Variants in NPNT observed in about 807,000 individuals in gnomAD.
The protein encoded by NPNT is nephronectin.
In NPNT, 45 loss-of-function variants were observed where a neutral mutation model predicts 68.6. The observed-to-expected ratio is 0.66, with a 90% confidence interval of 0.52 to 0.84. The LOEUF (loss-of-function observed/expected upper bound fraction) is 0.84, where lower values mean the gene tolerates loss of function less well. Ranked by LOEUF, NPNT falls within the 40% of genes least tolerant of loss-of-function variation. NPNT has a pLI of 0.00. For synonymous variants in NPNT, 233 were observed against 253.3 expected, an observed-to-expected ratio of 0.92 and a Z score of 0.76; for missense variants, 672 against 714.8, an observed-to-expected ratio of 0.94 and a Z score of 0.68.
chr4:105,959,257 C>A, intron 10 of NPNT, 131 bp downstream of exon 10: 1 of 599,856 alleles, frequency 1.7e-6, no homozygotes, highest in Non-Finnish European at 3.0e-6. Context: ...CAAAAAGGAC[C>A]ATGCCTAGCA....
chr4:105,923,275 T>A (rs1388253470), intron 2 of NPNT, among the ~76,000 whole-genome samples: 1 of 152,156 alleles, frequency 6.6e-6, no homozygotes, highest in Non-Finnish European at 1.5e-5. Flanking sequence ...TTGAAATGGT[T>A]ATGCACTTTC....
At chr4:105,927,188 T>C in intron 2 of NPNT, 148 bp from the exon 3 acceptor site, 1 of 560,176 alleles carries the variant, frequency 1.8e-6, no homozygotes, top group South Asian at 2.3e-5. Context: ...TACAGAGTGT[T>C]TATAGGAAAC....
intron 11 of NPNT, 108 bp from the exon 12 acceptor site, chr4:105,968,787 A>G: frequency 1.6e-6 from 1 of 622,050 alleles, no homozygotes; most frequent in Non-Finnish European, 2.9e-6. Context: ...CTCCTGCAAA[A>G]TAAGTTTAAA....
chr4:105,942,168 G>A lies in NPNT; in HGVS notation c.764-139G>A, dbSNP rs531470634. 5.5e-6 allele frequency: 3 copies of A among 550,010 alleles called. No homozygotes were observed. The South Asian group carries it at 8.6e-5, about 16-fold the overall frequency. The allele number at this position is 550,010 out of a possible 1,614,324, so 34.1% of individuals were successfully genotyped here. On this transcript the variant is annotated intron_variant, in intron 7 of 11. Coordinates refer to ENST00000379987, the MANE Select transcript of NPNT (RefSeq NM_001033047.3). ...ATATATATTTGTTATTTGGAAAATA[G>A]TATGACTTACAGTAGGTAATATTCT... is the stretch of plus-strand genomic sequence containing the variant.
intron 3 of NPNT, among the ~76,000 whole-genome samples, chr4:105,931,838 T>G (rs996720681): frequency 1.3e-4 from 19 of 150,632 alleles, no homozygotes; most frequent in African/African-American, 4.1e-4. Flanking sequence ...AGACTCCATC[T>G]AAAAAAAAAG....
intron 8 of NPNT, among the ~76,000 whole-genome samples, chr4:105,952,910 TAGAAG>T (rs1460011224): frequency 2.6e-5 from 4 of 152,122 alleles, no homozygotes; most frequent in Non-Finnish European, 4.4e-5. Flanking sequence ...ACCATTGGCT[TAGAAG>T]AGAGGAGAAG....
chr4:105,909,898 G>A (rs1474255539), intron 2 of NPNT, among the ~76,000 whole-genome samples: 1 of 152,116 alleles, frequency 6.6e-6, no homozygotes, highest in Non-Finnish European at 1.5e-5. Context: ...CTTGCTTAAG[G>A]GGCTGTATGC....
At chr4:105,919,202 G>GT (rs1728046771) in intron 2 of NPNT, among the ~76,000 whole-genome samples, 2 of 152,052 alleles carry the variant, frequency 1.3e-5, no homozygotes, top group Non-Finnish European at 2.9e-5. Context: ...AATAGGAACA[G>GT]TAAATACCCA....
rs1015563437 is a variant in NPNT, at chr4:105,958,412, C to T, written c.1160-59C>T. 1.5e-5 allele frequency: 14 copies of T among 959,626 alleles called. No homozygotes were observed. The African/African-American group carries it at 2.1e-4, about 15-fold the overall frequency. The allele number at this position is 959,626 out of a possible 1,614,324, so 59.4% of individuals were successfully genotyped here. Reference sequence around the variant, plus strand: ...CTCCTGCCCTTGTTAAAGGTAATGCCTCTTTATCAATACTTCACACACACA... The same window carrying T: ...CTCCTGCCCTTGTTAAAGGTAATGCTTCTTTATCAATACTTCACACACACA... On this transcript the variant is annotated intron_variant, in intron 8 of 11. Transcript: ENST00000379987.
chr4:105,898,718 A>G (rs1342193576), intron 2 of NPNT, among the ~76,000 whole-genome samples: 2 of 152,166 alleles, frequency 1.3e-5, no homozygotes, highest in African/African-American at 4.8e-5. Flanking sequence ...TGTGACCACA[A>G]ATGGATATTT....
rs757784960 is a variant in NPNT, at chr4:105,942,624, G to T, written c.1081G>T (p.Ala361Ser). 6 of 1,614,022 alleles carry T rather than the reference G, an allele frequency of 3.7e-6. No homozygotes were observed. In the East Asian group the frequency reaches 1.3e-4, roughly 36 times the overall value. Reference sequence around the variant, plus strand: ...CGGACTGACAACTATAGCACCAGCTGCCAGTACACCTCCAGGAGGGATTAC... The same window carrying T: ...CGGACTGACAACTATAGCACCAGCTTCCAGTACACCTCCAGGAGGGATTAC... ...TTGLTTIAPA[A>S]STPPGGITVD... The change falls in exon 8 of 12, where the codon GCC becomes TCC. Residue 361 changes from alanine (A) to serine (S), a missense_variant. Coordinates refer to ENST00000379987, the MANE Select transcript of NPNT (RefSeq NM_001033047.3).
intron 10 of NPNT, among the ~76,000 whole-genome samples, chr4:105,960,693 C>T (rs1578686970): frequency 6.6e-6 from 1 of 152,094 alleles, no homozygotes; most frequent in Non-Finnish European, 1.5e-5. Context: ...TTAAAGTTAA[C>T]TCTGAGCAGG....
chr4:105,953,171 A>G (rs1730961840), intron 8 of NPNT, among the ~76,000 whole-genome samples: 2 of 150,422 alleles, frequency 1.3e-5, no homozygotes, highest in African/African-American at 5.0e-5. Flanking sequence ...GTCTCAAAAG[A>G]AAAAAAATTA....
intron 3 of NPNT, among the ~76,000 whole-genome samples, chr4:105,928,846 T>A (rs1181580461): frequency 2.0e-5 from 3 of 152,192 alleles, no homozygotes; most frequent in African/African-American, 7.2e-5. Context: ...ATGATATTGC[T>A]GAAATACTAC....
At chr4:105,959,247 C>CCTTTTTGACCATCTTT in intron 10 of NPNT, 121 bp downstream of exon 10, 1 of 633,580 alleles carries the variant, frequency 1.6e-6, no homozygotes, top group Non-Finnish European at 2.8e-6. Flanking sequence ...TAAAGATGGT[C>CCTTTTTGACCATCTTT]AAAAAGGACC....
At chr4:105,954,149 G>T (rs1731042120) in intron 8 of NPNT, among the ~76,000 whole-genome samples, 1 of 152,128 alleles carries the variant, frequency 6.6e-6, no homozygotes, top group African/African-American at 2.4e-5. Context: ...GAACTTTCCT[G>T]CTCCTTTTTG....
At chr4:105,927,160 A>G (rs923076879) in intron 2 of NPNT, 176 bp from the exon 3 acceptor site, 2 of 485,370 alleles carry the variant, frequency 4.1e-6, no homozygotes, top group Admixed American at 3.7e-5. Context: ...TACATAACAC[A>G]TGTGTGTGTG....
intron 10 of NPNT, among the ~76,000 whole-genome samples, chr4:105,960,778 G>A (rs1731662715): frequency 6.6e-6 from 1 of 151,896 alleles, no homozygotes; most frequent in Non-Finnish European, 1.5e-5. Context: ...GTGTGTGTGT[G>A]TGTGTATACA....
chr4:105,927,968 A>T (rs1439248394), intron 3 of NPNT, among the ~76,000 whole-genome samples: 1 of 152,212 alleles, frequency 6.6e-6, no homozygotes, highest in East Asian at 1.9e-4. Flanking sequence ...GTTTAAAGCA[A>T]ATATTTATTC....
Sources: gnomAD v4.1 joint callset for allele counts (sites outside exome capture counted in the v4.1 genomes callset) on GRCh38, gnomAD v4.1.1 for gene constraint, MANE v1.5 for transcripts, NCBI Gene and HGNC (gene_info 2026-07-23, HGNC 2026-07-21) for gene names.